ZPBP: variants seen among roughly 807,000 people sequenced by gnomAD.
The protein encoded by ZPBP is zona pellucida-binding protein 1.
Under a neutral mutation model 44.8 loss-of-function variants are expected in ZPBP, and 26 were observed. The observed-to-expected ratio is 0.58, with a 90% CI of 0.43 to 0.81. The LOEUF (loss-of-function observed/expected upper bound fraction) is 0.81. Ranked by LOEUF, ZPBP falls within the 30% of genes least tolerant of loss-of-function variation. The probability of loss-of-function intolerance (pLI) is 0.00; values close to 1 mark genes in which losing one functional copy is unlikely to be tolerated. For synonymous variants in ZPBP, 174 were observed against 153.2 expected (o/e 1.14, Z -1.00); for missense variants, 409 against 434.0 (o/e 0.94, Z 0.51).
At chr7:49,977,408 C>A (rs1041767095) in intron 7 of ZPBP, among the ~76,000 whole-genome samples, 7 of 152,054 alleles carry the variant, frequency 4.6e-5, no homozygotes, top group African/African-American at 1.7e-4. Flanking sequence ...TTCAGGGATG[C>A]AAGTCTTTAG....
At chr7:50,018,772 T>A (rs1562849230) in intron 5 of ZPBP, among the ~76,000 whole-genome samples, 1 of 151,972 alleles carries the variant, frequency 6.6e-6, no homozygotes, top group Non-Finnish European at 1.5e-5. Context: ...GAAATGAGGT[T>A]GGATTTTAGT....
intron 2 of ZPBP, among the ~76,000 whole-genome samples, chr7:49,853,225 G>A (rs1462233776): frequency 1.3e-5 from 2 of 152,372 alleles, no homozygotes; most frequent in Non-Finnish European, 1.5e-5. Flanking sequence ...TCTTGCTGCC[G>A]TGTGGAGTGG....
At chr7:50,030,494 A>G (rs1799554969) in intron 5 of ZPBP, among the ~76,000 whole-genome samples, 1 of 118,736 alleles carries the variant, frequency 8.4e-6, no homozygotes, top group Non-Finnish European at 1.7e-5. Context: ...GCAGAGAAAT[A>G]ATAATTTAAA....
chr7:49,986,632 G>A (rs952782546), intron 6 of ZPBP, among the ~76,000 whole-genome samples: 1 of 151,444 alleles, frequency 6.6e-6, no homozygotes, highest in Non-Finnish European at 1.5e-5. Context: ...ACTTTAAGCT[G>A]TTTTTCTTTT....
chr7:50,013,073 G>T lies in ZPBP; in HGVS notation c.783+5167C>A, dbSNP rs147445775. ...ACTTAGGAATAAATTTAACCCAAAT[G>T]AATATAAGACCTTTACACTAAAAAA... On this transcript the variant is annotated intron_variant, in intron 6 of 7. Transcript: ENST00000046087. Among the ~76,000 whole-genome samples, 20 of 151,870 alleles carry T rather than the reference G, an allele frequency of 1.3e-4. No individual in the cohort carries two copies. The East Asian group carries it at 3.9e-3, about 29-fold the overall frequency.
At chr7:49,944,215 C>CTTT (rs1022562437) in intron 7 of ZPBP, 4 of 357,162 alleles carry the variant, frequency 1.1e-5, no homozygotes, top group African/African-American at 8.7e-5. Context: ...TGATATTTGG[C>CTTT]TGCACTTTTG....
At chr7:50,000,569 T>C (rs1340879773) in intron 6 of ZPBP, among the ~76,000 whole-genome samples, 4 of 152,200 alleles carry the variant, frequency 2.6e-5, no homozygotes, top group Admixed American at 1.3e-4. Flanking sequence ...CCTTGCTACC[T>C]GTTCTCCAGT....
chr7:49,892,034 T>G (rs796373), intron 2 of ZPBP, among the ~76,000 whole-genome samples: 1,527 of 39,850 alleles, frequency 0.038, 63 homozygotes, highest in African/African-American at 0.14. Context: ...AAAGTAGATT[T>G]TTTTTTTTTT....
chr7:50,075,920 T>C (rs560146770), intron 3 of ZPBP, among the ~76,000 whole-genome samples: 16 of 152,016 alleles, frequency 1.1e-4, no homozygotes, highest in African/African-American at 2.6e-4. Context: ...AGTATTACCA[T>C]TATACCAAAA....
intron 3 of ZPBP, among the ~76,000 whole-genome samples, chr7:50,061,780 A>G (rs1216866983): frequency 6.6e-6 from 1 of 152,170 alleles, no homozygotes; most frequent in Non-Finnish European, 1.5e-5. Flanking sequence ...TAACACACAG[A>G]TAAGACAGGA....
intron 7 of ZPBP, chr7:49,944,363 T>G: frequency 4.9e-6 from 1 of 205,008 alleles, no homozygotes; most frequent in East Asian, 1.6e-4. Flanking sequence ...ACCTCCTGCT[T>G]CCTGCTCTCA....
At chr7:49,932,217 C>T (rs1355942277) in intron 1 of ZPBP, among the ~76,000 whole-genome samples, 1 of 152,192 alleles carries the variant, frequency 6.6e-6, no homozygotes, top group Non-Finnish European at 1.5e-5. Context: ...GAGAAGAGGG[C>T]CACCATCCTC....
Position 49,871,830 on chromosome 7 carries a change from C to CATACATACATGTACATGTATGCAT in ZPBP, n.510-21340_510-21317dup, listed in dbSNP as rs151032817. Among the ~76,000 whole-genome samples the CATACATACATGTACATGTATGCAT allele has an allele frequency of 5.8e-3, 875 of 150,546 alleles. 70 individuals are homozygous for CATACATACATGTACATGTATGCAT. In the East Asian group the frequency reaches 0.16, roughly 27 times the overall value. ...GGGAAATTATACACCCAATCAAAGA[C>CATACATACATGTACATGTATGCAT]ATACATACATGTACATGTATGCATA... On this transcript the variant is annotated intron_variant and non_coding_transcript_variant, in intron 2 of 2. Coordinates refer to the ZPBP transcript ENST00000465922.
intron 6 of ZPBP, among the ~76,000 whole-genome samples, chr7:50,017,891 A>G (rs993460978): frequency 6.6e-6 from 1 of 152,122 alleles, no homozygotes; most frequent in Non-Finnish European, 1.5e-5. Flanking sequence ...AAATAGATTA[A>G]AAGATGGTTC....
chr7:50,014,814 T>C (rs980349546), intron 6 of ZPBP, among the ~76,000 whole-genome samples: 1 of 152,056 alleles, frequency 6.6e-6, no homozygotes, highest in Admixed American at 6.6e-5. Flanking sequence ...ACAACATCAC[T>C]GGGACAAGTA....
chr7:49,906,024 A>G (rs989111921), intron 1 of ZPBP, among the ~76,000 whole-genome samples: 63 of 152,348 alleles, frequency 4.1e-4, no homozygotes, highest in African/African-American at 1.3e-3. Flanking sequence ...CAGAAAACTC[A>G]TAAATAATTG....
intron 6 of ZPBP, among the ~76,000 whole-genome samples, chr7:49,999,916 G>A (rs1194431608): frequency 3.9e-5 from 6 of 151,996 alleles, no homozygotes; most frequent in Admixed American, 1.3e-4. Flanking sequence ...GATAATAATC[G>A]ATCTTTCTTC....
chr7:49,846,697 A>C (rs1441749119), downstream of ZPBP, among the ~76,000 whole-genome samples: 1 of 152,228 alleles, frequency 6.6e-6, no homozygotes, highest in African/African-American at 2.4e-5. Flanking sequence ...CACTGTGCCT[A>C]AAGAGCAAAG....
chr7:50,039,875 T>C (rs1799987876), intron 4 of ZPBP, among the ~76,000 whole-genome samples: 1 of 152,056 alleles, frequency 6.6e-6, no homozygotes, highest in Non-Finnish European at 1.5e-5. Flanking sequence ...CAGAAGTACA[T>C]AAGAGTAACA....
Sources: allele counts gnomAD v4.1 joint callset (sites outside exome capture counted in the v4.1 genomes callset), GRCh38; gene constraint gnomAD v4.1.1; transcripts MANE v1.5; gene names NCBI Gene and HGNC (gene_info 2026-07-23, HGNC 2026-07-21).